Variants in CROCC2 observed in about 807,000 individuals in gnomAD.
CROCC2 encodes the protein ciliary rootlet coiled-coil, rootletin family member 2, also known as ciliary rootlet coiled-coil protein 2.
A neutral mutation model predicts 177.6 loss-of-function variants in CROCC2; 163 were observed. That is an observed-to-expected ratio of 0.92 (90% CI 0.81 to 1.05). The LOEUF is 1.05. CROCC2 is among the 50% of genes least tolerant of loss of function. The pLI is 0.00. For synonymous variants in CROCC2, 904 were observed against 787.3 expected (o/e 1.15, Z -2.48); for missense variants, 1,929 against 1,797.8 (o/e 1.07, Z -1.32).
intron 7 of CROCC2, among the ~76,000 whole-genome samples, 157 bp downstream of exon 7, chr2:240,931,285 A>G (rs1386726546): frequency 1.3e-5 from 2 of 152,156 alleles, no homozygotes; most frequent in East Asian, 3.8e-4. Flanking sequence ...CAGAGTCACC[A>G]TCCCAGTGGC....
In CROCC2 at chr2:240,953,042, C is replaced by T. The variant is rs1574772938; in HGVS notation, c.2829+2532C>T. Among the ~76,000 whole-genome samples the T allele has an allele frequency of 6.6e-6, 1 of 152,148 alleles. No individual in the cohort carries two copies. Among genetic ancestry groups the T allele is most frequent in the Non-Finnish European group, 1.5e-5 (1 of 68,038 alleles). ...CCATCCGAGACCAACCACTGGGCAA[C>T]GTGGCCTGTTCTCATGTGGTTATTT... On this transcript the variant is annotated intron_variant, in intron 18 of 31. Transcript: ENST00000690015. This position sits in a 1 kb window ranked among gnomAD's most constrained non-coding sequence, Gnocchi z 4.0.
Position 240,935,588 on chromosome 2 carries a change from G to C in CROCC2, c.2169G>C (p.Gln723His). 9 of 1,385,064 alleles carry C rather than the reference G, an allele frequency of 6.5e-6. No individual in the cohort carries two copies. The highest frequency in any genetic ancestry group is 8.4e-6 in the Non-Finnish European group (9 of 1,071,104). 85.8% of individuals were successfully genotyped at this position (1,385,064 alleles called of 1,614,324 possible). A position where few individuals can be genotyped will look rare whatever the true frequency, so the allele number is the denominator to read the frequency against. The stretch of plus-strand genomic sequence containing the variant: ...CCCAGCTCCAGGAGCAGGTGGGCCA[G>C]GTGAGGACGTCTGCAGGGCATGCTG... ...EKAQLQEQVGQVTCQKQALEE... is the reference protein window; with the variant it reads ...EKAQLQEQVGHVTCQKQALEE... The change falls in exon 14 of 32, where the codon CAG becomes CAC. Residue 723 changes from glutamine (Q) to histidine (H), a missense_variant and splice_region_variant. Gln to His is a conservative substitution (Grantham distance 24). This residue lies in a region of CROCC2 where 1,397 missense variants were observed against 1,239.9 expected (regional missense o/e 1.13). Transcript: ENST00000690015.
intron 19 of CROCC2, chr2:240,959,057 C>CTG (rs2059613093): frequency 2.1e-6 from 1 of 476,640 alleles, no homozygotes; most frequent in Non-Finnish European, 3.7e-6. Flanking sequence ...CTGCCTCCTG[C>CTG]TGTGTCCGTG....
intron 19 of CROCC2, among the ~76,000 whole-genome samples, chr2:240,956,748 G>T (rs2059593091): frequency 6.6e-6 from 1 of 152,214 alleles, no homozygotes; most frequent in Admixed American, 6.5e-5. Flanking sequence ...TGTGCCTCCA[G>T]CTCATGGGCA....
intron 28 of CROCC2, among the ~76,000 whole-genome samples, chr2:240,987,116 G>A (rs1421852029): frequency 1.3e-5 from 2 of 152,258 alleles, no homozygotes; most frequent in Non-Finnish European, 1.5e-5. Flanking sequence ...CCAGCGCCAT[G>A]GAGCCAGGGT....
intron 5 of CROCC2, among the ~76,000 whole-genome samples, chr2:240,927,259 T>C (rs1387196680): frequency 6.6e-6 from 1 of 152,206 alleles, no homozygotes; most frequent in Non-Finnish European, 1.5e-5. Context: ...GTCGTGTCCC[T>C]GTGTTGTGTC....
intron 30 of CROCC2, 121 bp downstream of exon 30, chr2:240,989,954 GCCACC>G: frequency 5.3e-6 from 5 of 946,170 alleles, no homozygotes; most frequent in Non-Finnish European, 7.7e-6. Context: ...GCTCTCCACT[GCCACC>G]CAGTGGGCTC....
In CROCC2 at chr2:240,933,763, A is replaced by G. The variant is rs74000152; in HGVS notation, c.1557A>G (p.Ala519=). 0.015 allele frequency: 23,951 copies of G among 1,549,648 alleles called. 1,252 individuals are homozygous for G. In the East Asian group the frequency reaches 0.18, roughly 12 times the overall value. ...AEKQGLEAEA[A]ELQRSLLLQA... is the part of the protein sequence containing the mutation. ...AGCAGGGGCTGGAGGCCGAGGCTGC[A>G]GAGCTGCAGAGAAGCCTCCTGCTGC... Residue 519 remains alanine, a synonymous_variant, in exon 11 of 32, where the codon GCA becomes GCG. Coordinates refer to ENST00000690015, the MANE Select transcript of CROCC2 (RefSeq NM_001351305.2).
chr2:240,965,249 C>A, intron 22 of CROCC2, 132 bp from the exon 23 acceptor site: 1 of 1,351,036 alleles, frequency 7.4e-7, no homozygotes, highest in East Asian at 2.5e-5. Context: ...CTTTGGGGCA[C>A]CTTAGCCCAA....
intron 5 of CROCC2, chr2:240,929,788 C>T: frequency 2.1e-6 from 1 of 481,738 alleles, no homozygotes; most frequent in Non-Finnish European, 4.1e-6. Context: ...ATGTCTGCCC[C>T]AGCAGGGGCC....
At position 240,932,770 on chromosome 2, in the gene CROCC2, G is replaced by A. The variant is rs1332889989; in HGVS notation, c.1113G>A (p.Arg371=). The A allele has an allele frequency of 5.4e-6, 7 of 1,288,692 alleles. No individual in the cohort carries two copies. The highest frequency in any genetic ancestry group is 7.7e-6 in the Non-Finnish European group (7 of 908,974). 79.8% of individuals were successfully genotyped at this position (1,288,692 alleles called of 1,614,324 possible). ...GCATCACTGAATTGGGGGAGCCACGGCGCCCACTGAGGAGCCCCCAACGTG... is the reference window on the plus strand; with the variant it reads ...GCATCACTGAATTGGGGGAGCCACGACGCCCACTGAGGAGCCCCCAACGTG... ...GSSITELGEP[R]RPLRSPQRAT... Residue 371 remains arginine (R), a synonymous_variant, in exon 9 of 32, where the codon CGG becomes CGA. Coordinates refer to ENST00000690015, the MANE Select transcript of CROCC2 (RefSeq NM_001351305.2).
chr2:240,916,556 C>G (rs1180355317), intron 1 of CROCC2, among the ~76,000 whole-genome samples: 2 of 149,938 alleles, frequency 1.3e-5, no homozygotes, highest in Non-Finnish European at 3.0e-5. Context: ...GCGCTCCCCG[C>G]GCCCCCCTCC....
chr2:240,953,798 C>T lies in CROCC2; in HGVS notation c.2830-2061C>T, dbSNP rs1002222528. ...GGAGCAAGAGCCAAAGACCTGGAGC[C>T]GCTGGCCCAGGAGGGGCTGTCTCCA... On this transcript the variant is annotated intron_variant, in intron 18 of 31. Coordinates refer to ENST00000690015, the MANE Select transcript of CROCC2 (RefSeq NM_001351305.2). This position sits in a 1 kb window ranked among gnomAD's most constrained non-coding sequence, Gnocchi z 4.0. 3.8e-5 allele frequency among the ~76,000 whole-genome samples: 4 copies of T among 106,654 alleles called. No homozygotes were observed. Among genetic ancestry groups the T allele is most frequent in the South Asian group, 2.7e-4 (1 of 3,688 alleles). 70.0% of individuals were successfully genotyped at this position (106,654 alleles called of 152,430 possible). A position where few individuals can be genotyped will look rare whatever the true frequency, so the allele number is the denominator to read the frequency against.
chr2:240,913,964 G>A (rs1194124968), intron 1 of CROCC2, among the ~76,000 whole-genome samples: 1 of 152,272 alleles, frequency 6.6e-6, no homozygotes, highest in African/African-American at 2.4e-5. Flanking sequence ...CTCCTGGCAA[G>A]GCCAGACTTC....
chr2:240,991,349 T>C, intron 31 of CROCC2, 71 bp downstream of exon 31: 1 of 1,396,208 alleles, frequency 7.2e-7, no homozygotes, highest in Non-Finnish European at 9.7e-7. Context: ...CAGGCGGCCC[T>C]GGGGAAGGTG....
rs989401009 is a variant in CROCC2, at chr2:240,930,923, T to C, written c.750-8T>C. ...GAGTCCGCCACAGATGCTGCCCTTG[T>C]CTCCCAGGGGCCTCGCTGACCTGCA... On this transcript the variant is annotated splice_region_variant and splice_polypyrimidine_tract_variant and intron_variant, in intron 6 of 31. Coordinates refer to ENST00000690015, the MANE Select transcript of CROCC2 (RefSeq NM_001351305.2). 4.3e-6 allele frequency: 3 copies of C among 703,372 alleles called. No individual in the cohort carries two copies. Among genetic ancestry groups the C allele is most frequent in the African/African-American group, 3.5e-5 (2 of 57,098 alleles). 43.6% of individuals were successfully genotyped at this position (703,372 alleles called of 1,614,324 possible).
chr2:240,941,315 C>T (rs2059493364), intron 14 of CROCC2, among the ~76,000 whole-genome samples: 1 of 152,112 alleles, frequency 6.6e-6, no homozygotes, highest in African/African-American at 2.4e-5. Flanking sequence ...CCATTCTTCA[C>T]AGAACTAGAA....
Position 240,906,487 on chromosome 2 carries a change from C to T in CROCC2, c.-27C>T. On this transcript the variant is annotated 5_prime_UTR_variant, in exon 1 of 32. Coordinates refer to ENST00000690015, the MANE Select transcript of CROCC2 (RefSeq NM_001351305.2). ...CTGCCAGGTAGCAAAGCCCAGACTT[C>T]TCTGGGGTCCTGCGCTCTGGGCTGC... is the stretch of plus-strand genomic sequence containing the variant. 2.5e-6 allele frequency: 1 copy of T among 399,094 alleles called. No homozygotes were observed. The highest frequency in any genetic ancestry group is 4.4e-5 in the Admixed American group (1 of 22,746). The allele number at this position is 399,094 out of a possible 1,614,324, so 24.7% of individuals were successfully genotyped here. A position where few individuals can be genotyped will look rare whatever the true frequency, so the allele number is the denominator to read the frequency against.
rs560368650 is a variant in CROCC2, at chr2:240,961,555, C to T, written c.3088-2001C>T. On this transcript the variant is annotated intron_variant, in intron 20 of 31. Transcript: ENST00000690015. ...CTGCACTGGCTCACACACACACACT[C>T]ATCACACTCACACACTCATCACACA... 5.9e-4 allele frequency among the ~76,000 whole-genome samples: 89 copies of T among 150,136 alleles called. No individual in the cohort carries two copies. The South Asian group carries it at 6.1e-3, about 10-fold the overall frequency.
Sources: gnomAD v4.1 joint callset for allele counts (sites outside exome capture counted in the v4.1 genomes callset) on GRCh38, gnomAD v4.1.1 for gene constraint, gnomAD v4.1.1 regional missense constraint, Gnocchi (gnomAD v3.1) non-coding constraint, MANE v1.5 for transcripts, NCBI Gene and HGNC (gene_info 2026-07-23, HGNC 2026-07-21) for gene names.